Variants in SLC16A12 observed in about 807,000 individuals in gnomAD.
SLC16A12 encodes solute carrier family 16 member 12.
SLC16A12 carries 17 observed loss-of-function variants against 42.4 expected under a neutral mutation model. The ratio of observed to expected loss-of-function variants is 0.40; its 90% CI spans 0.27 to 0.60. The LOEUF is 0.60. Among genes scored for constraint, SLC16A12 ranks in the 20% least tolerant of loss-of-function variants. The probability of loss-of-function intolerance (pLI) is 0.42; values close to 1 mark genes in which losing one functional copy is unlikely to be tolerated. For missense variants in SLC16A12, 544 were observed against 623.0 expected (o/e 0.87, Z 1.35); for synonymous variants, 224 against 229.4 (o/e 0.98, Z 0.21).
chr10:89,509,702 A>G (rs146180579), intron 2 of SLC16A12, among the ~76,000 whole-genome samples: 9,367 of 152,234 alleles, frequency 0.062, 623 homozygotes, highest in African/African-American at 0.16. Flanking sequence ...GCCCTCTCTC[A>G]CCACTCCTTT....
chr10:89,443,452 A>G (rs575848369), intron 4 of SLC16A12, among the ~76,000 whole-genome samples: 7 of 152,236 alleles, frequency 4.6e-5, no homozygotes, highest in Admixed American at 1.3e-4. Flanking sequence ...TTCCAAAATC[A>G]GGACGTGTTC....
Position 89,515,124 on chromosome 10 carries a change from CAAAACA to C in SLC16A12, c.-47+19371_-47+19376del, listed in dbSNP as rs869267112. On this transcript the variant is annotated intron_variant, in intron 2 of 7. Coordinates refer to ENST00000371790, the MANE Select transcript of SLC16A12 (RefSeq NM_213606.4). ...AGAAGCAAAACAAAACAAAACAAAA[CAAAACA>C]AAAAAAAAAGAAAAGAAAAGCGGCC... Among the ~76,000 whole-genome samples the C allele has an allele frequency of 3.6e-3, 535 of 147,450 alleles. 3 individuals are homozygous for C. Among genetic ancestry groups the C allele is most frequent in the Admixed American group, 0.019 (287 of 14,850 alleles).
intron 2 of SLC16A12, among the ~76,000 whole-genome samples, chr10:89,473,193 T>C (rs1390807504): frequency 6.6e-6 from 1 of 151,890 alleles, no homozygotes; most frequent in Non-Finnish European, 1.5e-5. Context: ...GCAAATGACC[T>C]AGAAAAGCCA....
At chr10:89,506,701 G>A (rs1209496936) in intron 2 of SLC16A12, among the ~76,000 whole-genome samples, 2 of 152,074 alleles carry the variant, frequency 1.3e-5, no homozygotes, top group Non-Finnish European at 2.9e-5. Flanking sequence ...ATCAGCAAGG[G>A]AACAAAACTG....
chr10:89,475,694 TA>T (rs1368756676), intron 2 of SLC16A12, among the ~76,000 whole-genome samples: 3 of 152,222 alleles, frequency 2.0e-5, no homozygotes, highest in Non-Finnish European at 4.4e-5. Flanking sequence ...CTTTGGGCAC[TA>T]AACTGAAACA....
chr10:89,442,008 T>C (rs1841920362), intron 4 of SLC16A12, among the ~76,000 whole-genome samples: 2 of 152,168 alleles, frequency 1.3e-5, no homozygotes, highest in Admixed American at 6.5e-5. Context: ...ACTCTTTGGG[T>C]CTCTCAGACT....
At chr10:89,541,244 C>CAT in intron 2 of SLC16A12, among the ~76,000 whole-genome samples, 1 of 152,150 alleles carries the variant, frequency 6.6e-6, no homozygotes, top group Middle Eastern at 3.4e-3. Flanking sequence ...CTTAACATCC[C>CAT]ACCTCTCGAG....
chr10:89,441,521 G>A (rs1022650552), intron 4 of SLC16A12, among the ~76,000 whole-genome samples: 4 of 152,140 alleles, frequency 2.6e-5, no homozygotes, highest in African/African-American at 7.2e-5. Flanking sequence ...ATGGCAGGAC[G>A]GTAGGGTGTT....
chr10:89,516,294 G>T (rs1253537104), intron 2 of SLC16A12, among the ~76,000 whole-genome samples: 4 of 152,148 alleles, frequency 2.6e-5, no homozygotes, highest in Non-Finnish European at 5.9e-5. Context: ...CTCTGATTTG[G>T]CTATGGTCCA....
At position 89,487,995 on chromosome 10, in the gene SLC16A12, T is replaced by TGTATATATAC. The variant is rs1842788364; in HGVS notation, c.-46-25372_-46-25371insGTATATATAC. On this transcript the variant is annotated intron_variant, in intron 2 of 7. Coordinates refer to ENST00000371790, the MANE Select transcript of SLC16A12 (RefSeq NM_213606.4). ...ATATATATATATATATATATATATA[T>TGTATATATAC]ACACACACACATTTATTATACCATA... 2.4e-5 allele frequency among the ~76,000 whole-genome samples: 3 copies of TGTATATATAC among 122,996 alleles called. No homozygotes were observed. In the Admixed American group the frequency reaches 2.6e-4, roughly 11 times the overall value. The allele number at this position is 122,996 out of a possible 152,430, so 80.7% of individuals were successfully genotyped here. A position where few individuals can be genotyped will look rare whatever the true frequency, so the allele number is the denominator to read the frequency against.
At chr10:89,491,035 A>G (rs1297108195) in intron 2 of SLC16A12, among the ~76,000 whole-genome samples, 1 of 152,228 alleles carries the variant, frequency 6.6e-6, no homozygotes, top group Non-Finnish European at 1.5e-5. Context: ...CACTTATGAA[A>G]TTCCAAGAGT....
intron 7 of SLC16A12, among the ~76,000 whole-genome samples, chr10:89,434,601 T>C (rs937872646): frequency 1.3e-5 from 2 of 152,210 alleles, no homozygotes; most frequent in Non-Finnish European, 2.9e-5. Context: ...CCCCAATTGC[T>C]GGATTTGGAA....
chr10:89,441,799 C>T (rs192879135), intron 4 of SLC16A12, among the ~76,000 whole-genome samples: 1 of 152,320 alleles, frequency 6.6e-6, no homozygotes, highest in Admixed American at 6.5e-5. Context: ...AAAAATGCTT[C>T]ATGCCCATGG....
chr10:89,476,480 T>C (rs533846685), intron 2 of SLC16A12, among the ~76,000 whole-genome samples: 1 of 152,192 alleles, frequency 6.6e-6, no homozygotes, highest in Non-Finnish European at 1.5e-5. Flanking sequence ...GAGTGTGAGA[T>C]CCCTAAGAGG....
At chr10:89,440,486 G>C (rs940387744) in intron 5 of SLC16A12, among the ~76,000 whole-genome samples, 1 of 152,112 alleles carries the variant, frequency 6.6e-6, no homozygotes, top group Non-Finnish European at 1.5e-5. Flanking sequence ...AGGAGTTGGC[G>C]CTACTCTCCA....
intron 3 of SLC16A12, among the ~76,000 whole-genome samples, chr10:89,459,622 T>C (rs1183280756): frequency 6.6e-6 from 1 of 151,994 alleles, no homozygotes; most frequent in Non-Finnish European, 1.5e-5. Context: ...ACTAGAATTC[T>C]AGTCCAGCTC....
At chr10:89,454,452 C>A (rs1305872136) in intron 3 of SLC16A12, among the ~76,000 whole-genome samples, 1 of 152,080 alleles carries the variant, frequency 6.6e-6, no homozygotes, top group East Asian at 1.9e-4. Context: ...ATTCTACACC[C>A]AATGTTCTAG....
At chr10:89,489,308 T>C (rs546419441) in intron 2 of SLC16A12, among the ~76,000 whole-genome samples, 1 of 152,276 alleles carries the variant, frequency 6.6e-6, no homozygotes, top group Non-Finnish European at 1.5e-5. Flanking sequence ...CTTTATATAC[T>C]AAAGATTTAA....
Position 89,482,797 on chromosome 10 carries a change from AT to A in SLC16A12, c.-46-20174del, listed in dbSNP as rs1428337302. 1.1e-3 allele frequency among the ~76,000 whole-genome samples: 165 copies of A among 151,692 alleles called. 1 individual carries two copies. Among genetic ancestry groups the A allele is most frequent in the Middle Eastern group, 3.4e-3 (1 of 294 alleles). On this transcript the variant is annotated intron_variant, in intron 2 of 7. Coordinates refer to ENST00000371790, the MANE Select transcript of SLC16A12 (RefSeq NM_213606.4). ...AGACCCTGTCTAAAAAAAAAAAAAA[AT>A]GTCTAATAGAATAGACCAAGAAAAA...
Sources: allele counts gnomAD v4.1 joint callset (sites outside exome capture counted in the v4.1 genomes callset), GRCh38; gene constraint gnomAD v4.1.1; transcripts MANE v1.5; gene names NCBI Gene and HGNC (gene_info 2026-07-23, HGNC 2026-07-21).